Variants in RABGEF1 observed in about 807,000 individuals in gnomAD.
RABGEF1 encodes RAB guanine nucleotide exchange factor 1, also known as rab5 GDP/GTP exchange factor.
Under a neutral mutation model 57.3 loss-of-function variants are expected in RABGEF1, and 26 were observed. That is an observed-to-expected ratio of 0.45 (90% confidence interval 0.33 to 0.63). The LOEUF (loss-of-function observed/expected upper bound fraction) is 0.63. RABGEF1 is among the 20% of genes least tolerant of loss of function. The pLI is 0.02. For synonymous variants in RABGEF1, 185 were observed against 210.7 expected (o/e 0.88, Z 1.06); for missense variants, 464 against 607.6 (o/e 0.76, Z 2.48).
chr7:66,808,003 A>G (rs1788796367), intron 8 of RABGEF1: 1 of 152,012 alleles, frequency 6.6e-6, no homozygotes, highest in Non-Finnish European at 1.5e-5. Flanking sequence ...TGTACTAATA[A>G]TTGCTACCGT....
chr7:66,742,527 C>CT (rs756781158), intron 1 of RABGEF1, among the ~76,000 whole-genome samples: 7 of 152,144 alleles, frequency 4.6e-5, no homozygotes, highest in Non-Finnish European at 1.0e-4. Flanking sequence ...TGAAGAATGA[C>CT]TAACATTCAG....
chr7:66,737,093 C>CGAGAGCGA (rs1257111357), upstream of RABGEF1, among the ~76,000 whole-genome samples: 2 of 127,292 alleles, frequency 1.6e-5, no homozygotes, highest in African/African-American at 5.9e-5. Context: ...AGAGCGAGAG[C>CGAGAGCGA]GAGAGAGAGA....
intron 2 of RABGEF1, among the ~76,000 whole-genome samples, chr7:66,717,469 A>G (rs1042358589): frequency 1.3e-5 from 2 of 152,152 alleles, no homozygotes; most frequent in Non-Finnish European, 2.9e-5. Flanking sequence ...AATCATATGT[A>G]TTTTAGGCCA....
chr7:66,775,126 T>A, intron 2 of RABGEF1, 101 bp from the exon 3 acceptor site: 1 of 1,326,562 alleles, frequency 7.5e-7, no homozygotes, highest in Non-Finnish European at 1.0e-6. Context: ...TCTCTAGGTC[T>A]AAAATCTTTA....
intron 1 of RABGEF1, among the ~76,000 whole-genome samples, chr7:66,693,152 G>A (rs1187001009): frequency 6.6e-6 from 1 of 152,136 alleles, no homozygotes; most frequent in Non-Finnish European, 1.5e-5. Context: ...CAGGGTGTAA[G>A]GGGGAGATTC....
intron 1 of RABGEF1, among the ~76,000 whole-genome samples, chr7:66,699,134 G>A (rs776856982): frequency 2.0e-5 from 3 of 152,288 alleles, no homozygotes; most frequent in South Asian, 2.1e-4. Context: ...AGGCCCCTCT[G>A]GGTTTCCTCG....
At chr7:66,728,349 G>C (rs1384950072) in intron 2 of RABGEF1, among the ~76,000 whole-genome samples, 2 of 152,122 alleles carry the variant, frequency 1.3e-5, no homozygotes, top group African/African-American at 4.8e-5. Context: ...TGACTGGTTG[G>C]GGGAGGCTGC....
At chr7:66,734,137 T>C (rs1797661056) in intron 2 of RABGEF1, among the ~76,000 whole-genome samples, 1 of 152,300 alleles carries the variant, frequency 6.6e-6, no homozygotes, top group South Asian at 2.1e-4. Flanking sequence ...CTCCATACTT[T>C]TGAGGTATTT....
chr7:66,801,853 C>T (rs569838059), intron 7 of RABGEF1, among the ~76,000 whole-genome samples: 86 of 152,246 alleles, frequency 5.6e-4, no homozygotes, highest in African/African-American at 2.0e-3. Context: ...TAGCCAGGCA[C>T]CAGTGGTCCC....
intron 1 of RABGEF1, among the ~76,000 whole-genome samples, chr7:66,763,379 C>T (rs1187332869): frequency 4.6e-5 from 7 of 152,182 alleles, no homozygotes; most frequent in Non-Finnish European, 8.8e-5. Context: ...TCTTTGTTGG[C>T]TGTCAGCCAG....
At position 66,690,586 on chromosome 7, in the gene RABGEF1, A is replaced by G. The variant is rs1791373061; in HGVS notation, c.-873+8328A>G. On this transcript the variant is annotated intron_variant and NMD_transcript_variant, in intron 1 of 9. Coordinates refer to the RABGEF1 transcript ENST00000607882. ...AAAAATTAGCTGGGTGTGGTGTTACATGCCTGTGGTTCCAGCTACTTGGGA... is the reference window on the plus strand; with the variant it reads ...AAAAATTAGCTGGGTGTGGTGTTACGTGCCTGTGGTTCCAGCTACTTGGGA... Among the ~76,000 whole-genome samples the G allele has an allele frequency of 2.0e-5, 3 of 151,154 alleles. No homozygotes were observed. The South Asian group carries it at 6.3e-4, about 32-fold the overall frequency.
chr7:66,732,335 G>C (rs1332987145), intron 2 of RABGEF1, among the ~76,000 whole-genome samples: 1 of 152,204 alleles, frequency 6.6e-6, no homozygotes, highest in Non-Finnish European at 1.5e-5. Context: ...GGCCAGGGTT[G>C]GGCTCAGGCC....
In RABGEF1 at chr7:66,808,441, C is replaced by T. The variant is rs932550562; in HGVS notation, c.1078-445C>T. ...ATGTTGGCCAGGCTGGTCTCAAACTCCTGACCTCATGATCCACACGTCCCA... is the reference window on the plus strand; with the variant it reads ...ATGTTGGCCAGGCTGGTCTCAAACTTCTGACCTCATGATCCACACGTCCCA... On this transcript the variant is annotated intron_variant, in intron 8 of 8. Transcript: ENST00000284957. 2.6e-5 allele frequency among the ~76,000 whole-genome samples: 4 copies of T among 152,182 alleles called. No individual in the cohort carries two copies. The East Asian group carries it at 7.7e-4, about 29-fold the overall frequency.
chr7:66,741,794 A>AGTG (rs1799019422), intron 1 of RABGEF1, among the ~76,000 whole-genome samples: 1 of 151,932 alleles, frequency 6.6e-6, no homozygotes, highest in Admixed American at 6.6e-5. Context: ...GGCCTCCCAG[A>AGTG]GTGTTGGGAT....
chr7:66,724,378 T>G (rs762413243), intron 2 of RABGEF1, among the ~76,000 whole-genome samples: 30 of 152,040 alleles, frequency 2.0e-4, no homozygotes, highest in Non-Finnish European at 4.0e-4. Flanking sequence ...TTTTTTTTTT[T>G]GAGACGGAGT....
At position 66,741,461 on chromosome 7, in the gene RABGEF1, G is replaced by T. The variant is rs868246524; in HGVS notation, c.-18+669G>T. Among the ~76,000 whole-genome samples, 9 of 152,244 alleles carry T rather than the reference G, an allele frequency of 5.9e-5. No individual in the cohort carries two copies. The South Asian group carries it at 1.9e-3, about 32-fold the overall frequency. On this transcript the variant is annotated intron_variant, in intron 1 of 8. Transcript: ENST00000284957. ...GGGATGCCCATCACGGCAGTTTAGG[G>T]AGAGAGAGGGAGGGACTCTGCCGCT...
intron 3 of RABGEF1, among the ~76,000 whole-genome samples, chr7:66,782,573 C>T (rs1288371888): frequency 2.0e-5 from 3 of 151,004 alleles, no homozygotes; most frequent in Non-Finnish European, 4.4e-5. Flanking sequence ...TGGGCTCAAG[C>T]GATCCTCCTG....
chr7:66,739,468 A>C (rs994977096), upstream of RABGEF1, among the ~76,000 whole-genome samples: 3 of 151,068 alleles, frequency 2.0e-5, no homozygotes, highest in African/African-American at 7.3e-5. Context: ...AGCCTGGCCA[A>C]CATGGTGAAA....
intron 1 of RABGEF1, among the ~76,000 whole-genome samples, chr7:66,700,263 A>T (rs1315389565): frequency 3.3e-5 from 5 of 152,244 alleles, no homozygotes; most frequent in Non-Finnish European, 5.9e-5. Context: ...GGACAGCCCT[A>T]CTGGGCCGGA....
Sources: allele counts gnomAD v4.1 joint callset (sites outside exome capture counted in the v4.1 genomes callset), GRCh38; gene constraint gnomAD v4.1.1; transcripts MANE v1.5; gene names NCBI Gene and HGNC (gene_info 2026-07-23, HGNC 2026-07-21).